The following ADAMTS14 variants were observed in gnomAD, a reference collection of about 807,000 sequenced individuals.
ADAMTS14 encodes the protein A disintegrin and metalloproteinase with thrombospondin motifs 14.
Under a neutral mutation model 128.6 loss-of-function variants are expected in ADAMTS14, and 100 were observed. The observed-to-expected ratio is 0.78, with a 90% confidence interval of 0.66 to 0.92. The LOEUF is 0.92. Among genes scored for constraint, ADAMTS14 ranks in the 40% least tolerant of loss-of-function variants. The probability of loss-of-function intolerance (pLI) is 0.00; values close to 1 mark genes in which losing one functional copy is unlikely to be tolerated. For synonymous variants in ADAMTS14, 665 were observed against 653.8 expected (o/e 1.02, Z -0.26); for missense variants, 1,562 against 1,658.6 (o/e 0.94, Z 1.01).
intron 4 of ADAMTS14, among the ~76,000 whole-genome samples, chr10:70,720,996 G>A (rs1841238966): frequency 6.7e-6 from 1 of 148,744 alleles, no homozygotes; most frequent in African/African-American, 2.5e-5. Context: ...AGACTTATTA[G>A]AAGAGAGCTT....
chr10:70,751,429 G>T (rs374735492), intron 16 of ADAMTS14, 49 bp from the exon 17 acceptor site: 7 of 1,568,666 alleles, frequency 4.5e-6, no homozygotes, highest in Admixed American at 1.7e-5. Context: ...AGTGCATGCC[G>T]CCCTTGCTTC....
intron 2 of ADAMTS14, among the ~76,000 whole-genome samples, chr10:70,686,218 G>C (rs1426131347): frequency 6.6e-6 from 1 of 151,574 alleles, no homozygotes; most frequent in East Asian, 1.9e-4. Flanking sequence ...GGACCAAGTT[G>C]GTCTGAATGC....
At chr10:70,708,948 CA>C in intron 4 of ADAMTS14, among the ~76,000 whole-genome samples, 170 bp downstream of exon 4, 1 of 152,252 alleles carries the variant, frequency 6.6e-6, no homozygotes. Context: ...ACACCCTTGG[CA>C]GCCAGGTTCG....
intron 2 of ADAMTS14, among the ~76,000 whole-genome samples, chr10:70,697,648 T>G (rs1840368320): frequency 6.6e-6 from 1 of 152,242 alleles, no homozygotes; most frequent in Non-Finnish European, 1.5e-5. Context: ...AGTAGACAGC[T>G]GTGGGTGACC....
rs2132760609 is a variant in ADAMTS14 at position 70,758,262 on chromosome 10, A to G, written c.3155A>G (p.His1052Arg). 2 of 1,614,182 alleles carry G rather than the reference A, an allele frequency of 1.2e-6. No homozygotes were observed. Among genetic ancestry groups the G allele is most frequent in the Non-Finnish European group, 8.5e-7 (1 of 1,180,016 alleles). Reference sequence around the variant, plus strand: ...TGGGTGCCACAATCTGAACCCCTACATCCCATTAACAAGATATCATCAAGT... The same window carrying G: ...TGGGTGCCACAATCTGAACCCCTACGTCCCATTAACAAGATATCATCAAGT... ...GQWVPQSEPLHPINKISSTEP... is the reference protein window; with the variant it reads ...GQWVPQSEPLRPINKISSTEP... The change falls in exon 21 of 22, where the codon CAT (histidine) becomes CGT (arginine). Residue 1052 changes from histidine (H) to arginine (R), a missense_variant. His to Arg is a conservative substitution (Grantham distance 29). Coordinates refer to ENST00000373207, the MANE Select transcript of ADAMTS14 (RefSeq NM_080722.4).
At chr10:70,726,069 C>CAG (rs1841417125) in intron 4 of ADAMTS14, among the ~76,000 whole-genome samples, 1 of 152,242 alleles carries the variant, frequency 6.6e-6, no homozygotes, top group Non-Finnish European at 1.5e-5. Context: ...GATGGGCTGT[C>CAG]CCTTTCTGTT....
At chr10:70,683,487 G>A (rs997603867) in intron 2 of ADAMTS14, among the ~76,000 whole-genome samples, 9 of 152,214 alleles carry the variant, frequency 5.9e-5, no homozygotes, top group African/African-American at 1.9e-4. Flanking sequence ...CAATGTGAGG[G>A]CCTGGAGGAC....
chr10:70,680,672 G>A (rs1277308703), intron 2 of ADAMTS14, among the ~76,000 whole-genome samples: 1 of 152,218 alleles, frequency 6.6e-6, no homozygotes, highest in Non-Finnish European at 1.5e-5. Flanking sequence ...ATAAGGCAAA[G>A]TGTAGGGCAT....
intron 4 of ADAMTS14, among the ~76,000 whole-genome samples, chr10:70,714,946 C>CAAAAAAA (rs58012076): frequency 1.6e-5 from 1 of 63,030 alleles, no homozygotes; most frequent in African/African-American, 6.2e-5. Context: ...ACTGCAGTCT[C>CAAAAAAA]AAAAAAAAAA....
At chr10:70,682,658 C>G (rs1391736382) in intron 2 of ADAMTS14, among the ~76,000 whole-genome samples, 1 of 152,188 alleles carries the variant, frequency 6.6e-6, no homozygotes, top group African/African-American at 2.4e-5. Flanking sequence ...GTGTGGATTA[C>G]TGGTTGGTTG....
rs146105188 is a variant in ADAMTS14, at chr10:70,751,506, G to T, written c.2456G>T (p.Arg819Leu). The T allele has an allele frequency of 3.7e-6, 6 of 1,609,968 alleles. No individual in the cohort carries two copies. Among genetic ancestry groups the T allele is most frequent in the Non-Finnish European group, 5.1e-6 (6 of 1,176,716 alleles). Residue 819 changes from arginine (R) to leucine (L), a missense_variant, in exon 17 of 22, where the codon CGC becomes CTC. Transcript: ENST00000373207. ...LALPPTEGGPRSSLAYKYVIH... is the reference protein window; with the variant it reads ...LALPPTEGGPLSSLAYKYVIH... The stretch of plus-strand genomic sequence containing the variant: ...CTCCCCCCAACTGAGGGTGGCCCCC[G>T]CAGCAGCCTGGCCTACAAGTACGTC...
In ADAMTS14 at chr10:70,752,298, T is replaced by C. The variant is rs895500861; in HGVS notation, c.2729+71T>C. 1.7e-5 allele frequency: 27 copies of C among 1,578,476 alleles called. No individual in the cohort carries two copies. In the East Asian group the frequency reaches 5.9e-4, roughly 34 times the overall value. ...CCCGGGCCCCAGGCAGCGGGGCTGCTGAGCCTGCTCCCCTCAGCACTGGGT... is the reference window on the plus strand; with the variant it reads ...CCCGGGCCCCAGGCAGCGGGGCTGCCGAGCCTGCTCCCCTCAGCACTGGGT... On this transcript the variant is annotated intron_variant, in intron 18 of 21. Coordinates refer to ENST00000373207, the MANE Select transcript of ADAMTS14 (RefSeq NM_080722.4).
At chr10:70,741,237 T>C in intron 12 of ADAMTS14, 75 bp downstream of exon 12, 1 of 1,520,160 alleles carries the variant, frequency 6.6e-7, no homozygotes, top group Non-Finnish European at 8.9e-7. Context: ...AGGCAGGGCC[T>C]CCTACCCCTA....
intron 4 of ADAMTS14, among the ~76,000 whole-genome samples, chr10:70,712,583 G>T (rs986406288): frequency 1.3e-5 from 2 of 152,200 alleles, no homozygotes; most frequent in African/African-American, 4.8e-5. Flanking sequence ...AGACAAAATT[G>T]ATGTTGTGTA....
At position 70,689,621 on chromosome 10, in the gene ADAMTS14, A is replaced by G. The variant is rs12250590; in HGVS notation, c.523-12691A>G. 2.5e-3 allele frequency among the ~76,000 whole-genome samples: 359 copies of G among 145,882 alleles called. 26 individuals carry two copies. Among genetic ancestry groups the G allele is most frequent in the African/African-American group, 8.3e-3 (344 of 41,216 alleles). On this transcript the variant is annotated intron_variant, in intron 2 of 21. Transcript: ENST00000373207. ...ACACAGCATAATAAGAATAACCAGC[A>G]CTGGGGTGGTGTGAGCCACCTCCTG...
chr10:70,735,024 C>A, intron 8 of ADAMTS14, 145 bp from the exon 9 acceptor site: 2 of 1,051,494 alleles, frequency 1.9e-6, no homozygotes, highest in Non-Finnish European at 2.6e-6. Context: ...GGCAGCCCGT[C>A]CTCCCTGGAA....
rs554116131 is a variant in ADAMTS14, at chr10:70,746,770, G to A, written c.2263+1464G>A. Among the ~76,000 whole-genome samples, 13 of 152,278 alleles carry A rather than the reference G, an allele frequency of 8.5e-5. No homozygotes were observed. The East Asian group carries it at 2.3e-3, about 27-fold the overall frequency. On this transcript the variant is annotated intron_variant, in intron 15 of 21. Coordinates refer to ENST00000373207, the MANE Select transcript of ADAMTS14 (RefSeq NM_080722.4). ...TTTCACTGAATTGTACACCTTATTC[G>A]AGTGAGTTGTATGGCATGTGAATTA...
intron 4 of ADAMTS14, among the ~76,000 whole-genome samples, chr10:70,726,824 G>A (rs1443241329): frequency 6.6e-6 from 1 of 152,208 alleles, no homozygotes; most frequent in Non-Finnish European, 1.5e-5. Context: ...TCTAGGGTGT[G>A]TGGATTGAGG....
intron 4 of ADAMTS14, among the ~76,000 whole-genome samples, chr10:70,715,844 C>T (rs917573174): frequency 3.3e-5 from 5 of 152,108 alleles, no homozygotes; most frequent in African/African-American, 1.2e-4. Flanking sequence ...TGGATGGTGG[C>T]AGGAGTGGGT....
Sources: allele counts gnomAD v4.1 joint callset (sites outside exome capture counted in the v4.1 genomes callset), GRCh38; gene constraint gnomAD v4.1.1; transcripts MANE v1.5; gene names NCBI Gene and HGNC (gene_info 2026-07-23, HGNC 2026-07-21).